The following ARHGAP5 variants were observed in gnomAD, a reference collection of about 807,000 sequenced individuals.
ARHGAP5 encodes the protein Rho GTPase activating protein 5.
ARHGAP5 carries 23 observed loss-of-function variants against 116.6 expected under a neutral mutation model. That is an observed-to-expected ratio of 0.20 (90% CI 0.14 to 0.28). The LOEUF (loss-of-function observed/expected upper bound fraction) is 0.28. Among genes scored for constraint, ARHGAP5 ranks in the 10% least tolerant of loss-of-function variants. The pLI, the probability that ARHGAP5 is intolerant of heterozygous loss-of-function variation, is 1.00. For synonymous variants in ARHGAP5, 574 were observed against 602.0 expected (o/e 0.95, Z 0.68); for missense variants, 1,405 against 1,774.8 (o/e 0.79, Z 3.74).
chr14:32,097,865 T>C (rs2139031449), intron 2 of ARHGAP5, among the ~76,000 whole-genome samples: 1 of 152,304 alleles, frequency 6.6e-6, no homozygotes, highest in South Asian at 2.1e-4. Flanking sequence ...GAAGACACCA[T>C]TTATAAAAAC....
At position 32,152,449 on chromosome 14, in the gene ARHGAP5, CA is replaced by C; in HGVS notation, c.4103del (p.His1368LeufsTer3). ...AKIPDKTERL[H>X]ALKEIVKKFH... ...AATCCCGGATAAAACAGAACGTCTT[CA>C]TGCCTTGAAAGAAATTGTTAAGAAA... On this transcript the variant is annotated frameshift_variant, in exon 6 of 7. Coordinates refer to ENST00000345122, the MANE Select transcript of ARHGAP5 (RefSeq NM_001030055.2). LOFTEE classifies it high-confidence loss of function. The C allele has an allele frequency of 6.2e-7, 1 of 1,606,454 alleles. No homozygotes were observed. The highest frequency in any genetic ancestry group is 8.5e-7 in the Non-Finnish European group (1 of 1,177,190).
At chr14:32,136,071 A>G (rs1880774808) in intron 3 of ARHGAP5, among the ~76,000 whole-genome samples, 1 of 152,186 alleles carries the variant, frequency 6.6e-6, no homozygotes, top group Admixed American at 6.5e-5. Context: ...AAGTTTATAT[A>G]CTACTACTAG....
At chr14:32,128,159 C>A (rs530371799) in intron 3 of ARHGAP5, among the ~76,000 whole-genome samples, 1 of 150,512 alleles carries the variant, frequency 6.6e-6, no homozygotes, top group Non-Finnish European at 1.5e-5. Flanking sequence ...ACTTCCTAGA[C>A]GGGATGACGG....
chr14:32,144,545 G>A (rs143464069), intron 3 of ARHGAP5, among the ~76,000 whole-genome samples: 74 of 152,104 alleles, frequency 4.9e-4, no homozygotes, highest in African/African-American at 1.6e-3. Flanking sequence ...GTGCAGTGGT[G>A]TGATCTTGGC....
chr14:32,124,269 A>C (rs1880036839), intron 3 of ARHGAP5, among the ~76,000 whole-genome samples: 1 of 152,184 alleles, frequency 6.6e-6, no homozygotes, highest in Non-Finnish European at 1.5e-5. Flanking sequence ...TTCAGTGATC[A>C]GTGTTCAGTG....
intron 3 of ARHGAP5, among the ~76,000 whole-genome samples, chr14:32,118,999 G>A (rs1257315677): frequency 6.6e-6 from 1 of 152,082 alleles, no homozygotes; most frequent in Non-Finnish European, 1.5e-5. Flanking sequence ...ACTTGAATTA[G>A]TTTAGGTCAA....
At chr14:32,077,741 C>G (rs2138986456) in intron 1 of ARHGAP5, among the ~76,000 whole-genome samples, 1 of 152,132 alleles carries the variant, frequency 6.6e-6, no homozygotes, top group Non-Finnish European at 1.5e-5. Flanking sequence ...ATCGCCGGCC[C>G]CGCCAGGCGT....
Position 32,098,811 on chromosome 14 carries a change from A to G in ARHGAP5, c.3717+4425A>G, listed in dbSNP as rs547898445. ...AGGGGAGAGAGTAGTATAAGGAGAG[A>G]CGAGAATGCAGACCAGACTCTGAGA... On this transcript the variant is annotated intron_variant, in intron 2 of 6. Transcript: ENST00000345122. 1.3e-3 allele frequency among the ~76,000 whole-genome samples: 196 copies of G among 152,368 alleles called. 1 individual carries two copies. Among genetic ancestry groups the G allele is most frequent in the African/African-American group, 4.4e-3 (181 of 41,592 alleles).
At chr14:32,125,800 T>C (rs1018606338) in intron 3 of ARHGAP5, among the ~76,000 whole-genome samples, 2 of 152,230 alleles carry the variant, frequency 1.3e-5, no homozygotes, top group African/African-American at 4.8e-5. Flanking sequence ...CTTTAATTTC[T>C]TTCAGTACCG....
chr14:32,152,259 G>T (rs1033414631), intron 5 of ARHGAP5, among the ~76,000 whole-genome samples, 164 bp from the exon 6 acceptor site: 2 of 152,174 alleles, frequency 1.3e-5, no homozygotes, highest in African/African-American at 4.8e-5. Flanking sequence ...GTGCCAAAAA[G>T]GCTGGGGACT....
At chr14:32,141,268 T>G (rs960947457) in intron 3 of ARHGAP5, among the ~76,000 whole-genome samples, 5 of 152,208 alleles carry the variant, frequency 3.3e-5, no homozygotes, top group Admixed American at 2.0e-4. Flanking sequence ...TCCATTCTAC[T>G]AATCTCTGTC....
intron 2 of ARHGAP5, among the ~76,000 whole-genome samples, chr14:32,111,660 T>C (rs1879304900): frequency 6.6e-6 from 1 of 152,134 alleles, no homozygotes; most frequent in African/African-American, 2.4e-5. Flanking sequence ...TTTTGTGGTG[T>C]GTATAATAAG....
rs1881883067 is a variant in ARHGAP5, at chr14:32,156,088, A to G, written c.*1140A>G. ...CTGTGATGTGTTGTACTAAAATCCA[A>G]AATGGCTTTTGCACCATTTTTAAGC... On this transcript the variant is annotated 3_prime_UTR_variant, in exon 7 of 7. Coordinates refer to ENST00000345122, the MANE Select transcript of ARHGAP5 (RefSeq NM_001030055.2). The G allele has an allele frequency of 1.3e-5, 2 of 152,648 alleles. No homozygotes were observed. The highest frequency in any genetic ancestry group is 2.9e-5 in the Non-Finnish European group (2 of 67,926). The allele number at this position is 152,648 out of a possible 1,614,324, so 9.5% of individuals were successfully genotyped here.
intron 2 of ARHGAP5, among the ~76,000 whole-genome samples, chr14:32,096,839 G>A (rs1248992760): frequency 1.3e-5 from 2 of 152,104 alleles, no homozygotes; most frequent in Non-Finnish European, 2.9e-5. Context: ...GACAAGAATG[G>A]CTTAAAAAAG....
At chr14:32,131,805 G>A (rs1233492055) in intron 3 of ARHGAP5, among the ~76,000 whole-genome samples, 2 of 152,046 alleles carry the variant, frequency 1.3e-5, no homozygotes, top group African/African-American at 4.8e-5. Context: ...TCATTATTCA[G>A]TTCCCACCTA....
chr14:32,116,298 T>A (rs564639614), intron 2 of ARHGAP5, among the ~76,000 whole-genome samples: 13 of 114,562 alleles, frequency 1.1e-4, no homozygotes, highest in Admixed American at 3.8e-4. Flanking sequence ...CAAAAAAAAA[T>A]AAATAAATAA....
intron 2 of ARHGAP5, among the ~76,000 whole-genome samples, chr14:32,109,160 T>C (rs1879164161): frequency 6.6e-6 from 1 of 152,180 alleles, no homozygotes; most frequent in Admixed American, 6.5e-5. Flanking sequence ...TTAAATGGCA[T>C]GTGGTTGGTT....
chr14:32,077,454 C>G lies in ARHGAP5; in HGVS notation c.-169+19C>G, dbSNP rs762605710. 7.3e-5 allele frequency: 51 copies of G among 697,196 alleles called. No homozygotes were observed. The African/African-American group carries it at 7.8e-4, about 11-fold the overall frequency. The allele number at this position is 697,196 out of a possible 1,614,324, so 43.2% of individuals were successfully genotyped here. A position where few individuals can be genotyped will look rare whatever the true frequency, so the allele number is the denominator to read the frequency against. On this transcript the variant is annotated intron_variant, in intron 1 of 6. Coordinates refer to ENST00000345122, the MANE Select transcript of ARHGAP5 (RefSeq NM_001030055.2). ...TTGTTAGGTAGGACCTTGCGGACCCCGCTCCTCCAAGCCTGCCTGCCCCCT... is the reference window on the plus strand; with the variant it reads ...TTGTTAGGTAGGACCTTGCGGACCCGGCTCCTCCAAGCCTGCCTGCCCCCT...
intron 3 of ARHGAP5, among the ~76,000 whole-genome samples, chr14:32,133,210 A>C (rs1473347788): frequency 6.6e-6 from 1 of 152,156 alleles, no homozygotes; most frequent in East Asian, 1.9e-4. Flanking sequence ...GATTCTTCCT[A>C]CCCATGAGCA....
Sources: allele counts gnomAD v4.1 joint callset (sites outside exome capture counted in the v4.1 genomes callset), GRCh38; gene constraint gnomAD v4.1.1; transcripts MANE v1.5; gene names NCBI Gene and HGNC (gene_info 2026-07-23, HGNC 2026-07-21).